DGCR2: variants seen among roughly 807,000 people sequenced by gnomAD.
The protein encoded by DGCR2 is DiGeorge syndrome critical region gene 2, also known as integral membrane protein DGCR2/IDD.
In DGCR2, 24 loss-of-function variants were observed where a neutral mutation model predicts 51.6. The ratio of observed to expected loss-of-function variants is 0.47; its 90% CI spans 0.34 to 0.65. The LOEUF (loss-of-function observed/expected upper bound fraction) is 0.65, where lower values mean the gene tolerates loss of function less well. Among genes scored for constraint, DGCR2 ranks in the 30% least tolerant of loss-of-function variants. The pLI, the probability that DGCR2 is intolerant of heterozygous loss-of-function variation, is 0.01. For synonymous variants in DGCR2, 340 were observed against 315.4 expected (o/e 1.08, Z -0.82); for missense variants, 765 against 772.1 (o/e 0.99, Z 0.11).
chr22:19,063,165 C>T (rs370591372), intron 5 of DGCR2, 37 bp downstream of exon 5: 8 of 1,601,658 alleles, frequency 5.0e-6, no homozygotes, highest in Non-Finnish European at 5.1e-6. Flanking sequence ...GTGACTCTGC[C>T]CAGCTTCAAA....
intron 1 of DGCR2, among the ~76,000 whole-genome samples, chr22:19,102,900 G>A (rs1467467700): frequency 3.3e-5 from 5 of 152,090 alleles, no homozygotes; most frequent in Admixed American, 6.6e-5. Context: ...TAGCTACTCC[G>A]GAGGCTGAGA....
chr22:19,101,332 T>C (rs1489711334), intron 1 of DGCR2, among the ~76,000 whole-genome samples: 1 of 152,088 alleles, frequency 6.6e-6, no homozygotes, highest in Non-Finnish European at 1.5e-5. Flanking sequence ...CCATGACAGA[T>C]GGGAGGATAA....
chr22:19,082,246 C>A (rs971979154), intron 2 of DGCR2, among the ~76,000 whole-genome samples: 137 of 31,914 alleles, frequency 4.3e-3, no homozygotes, highest in African/African-American at 0.018. Context: ...TTTTTTTTTT[C>A]ATAGAGACAG....
chr22:19,097,235 C>CTATA (rs765291112), intron 1 of DGCR2, among the ~76,000 whole-genome samples: 2 of 150,540 alleles, frequency 1.3e-5, no homozygotes, highest in Admixed American at 6.7e-5. Flanking sequence ...TATAGTAAAC[C>CTATA]TATATATATA....
intron 6 of DGCR2, among the ~76,000 whole-genome samples, chr22:19,054,867 C>T (rs2082584986): frequency 6.6e-6 from 1 of 152,136 alleles, no homozygotes; most frequent in African/African-American, 2.4e-5. Flanking sequence ...CTTTGGGAGG[C>T]TGAGGCAGGT....
At chr22:19,086,880 G>A (rs532396287) in intron 2 of DGCR2, among the ~76,000 whole-genome samples, 3 of 152,320 alleles carry the variant, frequency 2.0e-5, no homozygotes, top group East Asian at 1.9e-4. Context: ...TCTTCAGAGC[G>A]TGGAAAGATG....
intron 3 of DGCR2, among the ~76,000 whole-genome samples, chr22:19,065,590 C>T (rs2082739267): frequency 6.6e-6 from 1 of 152,172 alleles, no homozygotes; most frequent in African/African-American, 2.4e-5. Flanking sequence ...CCCTGCCTCC[C>T]ACAGCCGAAA....
intron 7 of DGCR2, among the ~76,000 whole-genome samples, chr22:19,045,641 T>A (rs2082481119): frequency 6.6e-6 from 1 of 152,200 alleles, no homozygotes; most frequent in South Asian, 2.1e-4. Context: ...GCCAGGTTGG[T>A]CTTGAACTCC....
chr22:19,062,775 G>GCGCTCTCTCTCTCTCTCTCTCTCT (rs1555903875), intron 5 of DGCR2, among the ~76,000 whole-genome samples: 1 of 108,860 alleles, frequency 9.2e-6, no homozygotes. Context: ...ACACATGCAT[G>GCGCTCTCTCTCTCTCTCTCTCTCT]CTCACTCTCT....
intron 2 of DGCR2, among the ~76,000 whole-genome samples, chr22:19,084,232 G>A (rs565619729): frequency 5.1e-4 from 77 of 151,856 alleles, no homozygotes; most frequent in African/African-American, 1.8e-3. Flanking sequence ...TCTGGGAAGT[G>A]AGGAGCGCCT....
intron 7 of DGCR2, 101 bp from the exon 8 acceptor site, chr22:19,042,060 A>T (rs2082439180): frequency 7.3e-7 from 1 of 1,378,432 alleles, no homozygotes; most frequent in Non-Finnish European, 9.8e-7. Flanking sequence ...TGTGTGGACA[A>T]GGCACACAGT....
At chr22:19,098,522 C>A (rs1413688836) in intron 1 of DGCR2, among the ~76,000 whole-genome samples, 1 of 152,170 alleles carries the variant, frequency 6.6e-6, no homozygotes, top group African/African-American at 2.4e-5. Flanking sequence ...AAAACAGTGG[C>A]CAGTTGCAGG....
chr22:19,095,748 T>G (rs2083133264), intron 1 of DGCR2, among the ~76,000 whole-genome samples: 2 of 151,836 alleles, frequency 1.3e-5, no homozygotes, highest in Admixed American at 6.6e-5. Context: ...TTTTTTTAAC[T>G]ATCATGAAAT....
At chr22:19,062,794 CT>C (rs1281599927) in intron 5 of DGCR2, among the ~76,000 whole-genome samples, 1 of 148,244 alleles carries the variant, frequency 6.7e-6, no homozygotes, top group Non-Finnish European at 1.5e-5. Flanking sequence ...CTCTCTCTCT[CT>C]CTCTCTCTCT....
rs1234950833 is a variant in DGCR2, at chr22:19,057,353, C to T, written c.626-191G>A. On this transcript the variant is annotated intron_variant, in intron 5 of 9. Transcript: ENST00000263196. The surrounding 1 kb of genome is among the most constrained non-coding windows in gnomAD (Gnocchi z 5.1). ...CCTGGGAGTCACCCCAGGTGCTGGG[C>T]CTAGCGGGAGCCACTCCTTGGAGCC... Among the ~76,000 whole-genome samples the T allele has an allele frequency of 1.3e-5, 2 of 152,218 alleles. No individual in the cohort carries two copies. Among genetic ancestry groups the T allele is most frequent in the Non-Finnish European group, 2.9e-5 (2 of 68,046 alleles).
chr22:19,084,678 C>CCCCCGCCCGGCCAGCCG lies in DGCR2; in HGVS notation c.202+4689_202+4690insCGGCTGGCCGGGCGGGG, dbSNP rs1235452452. Among the ~76,000 whole-genome samples, 267 of 111,386 alleles carry CCCCCGCCCGGCCAGCCG rather than the reference C, an allele frequency of 2.4e-3. 5 individuals are homozygous for CCCCCGCCCGGCCAGCCG. Among genetic ancestry groups the CCCCCGCCCGGCCAGCCG allele is most frequent in the African/African-American group, 7.7e-3 (245 of 31,706 alleles). 73.1% of individuals were successfully genotyped at this position (111,386 alleles called of 152,430 possible). A position where few individuals can be genotyped will look rare whatever the true frequency, so the allele number is the denominator to read the frequency against. Reference sequence around the variant, plus strand: ...CATCCGGGAGGGAGGTGGGGGTCAGCCCCCGCCCGGCCAGCTGCCCCGTCC... The same window carrying CCCCCGCCCGGCCAGCCG: ...CATCCGGGAGGGAGGTGGGGGTCAGCCCCCGCCCGGCCAGCCGCCCCGCCCGGCCAGCTGCCCCGTCC... On this transcript the variant is annotated intron_variant, in intron 2 of 9. Transcript: ENST00000263196.
chr22:19,114,814 G>A (rs1008769755), intron 1 of DGCR2, among the ~76,000 whole-genome samples: 1 of 152,208 alleles, frequency 6.6e-6, no homozygotes, highest in Non-Finnish European at 1.5e-5. Context: ...AGGCAAGGAA[G>A]AGGGCAGGGT....
chr22:19,092,477 G>A (rs924938830), intron 1 of DGCR2, among the ~76,000 whole-genome samples: 1 of 152,110 alleles, frequency 6.6e-6, no homozygotes, highest in Non-Finnish European at 1.5e-5. Context: ...CTGACAATTT[G>A]GATGAAATAC....
intron 2 of DGCR2, among the ~76,000 whole-genome samples, chr22:19,084,509 A>G (rs1468642617): frequency 9.0e-5 from 11 of 122,722 alleles, no homozygotes; most frequent in Middle Eastern, 6.5e-3. Context: ...AGAAGTGAGG[A>G]GCCCCTCCGC....
Sources: gnomAD v4.1 joint callset for allele counts (sites outside exome capture counted in the v4.1 genomes callset) on GRCh38, gnomAD v4.1.1 for gene constraint, Gnocchi (gnomAD v3.1) non-coding constraint, MANE v1.5 for transcripts, NCBI Gene and HGNC (gene_info 2026-07-23, HGNC 2026-07-21) for gene names.